The following NRXN1 variants were observed in gnomAD, a reference collection of about 807,000 sequenced individuals.
NRXN1 encodes neurexin 1.
Under a neutral mutation model 150.9 loss-of-function variants are expected in NRXN1, and 39 were observed. That is an observed-to-expected ratio of 0.26 (90% CI 0.20 to 0.34). The LOEUF is 0.34. Ranked by LOEUF, NRXN1 falls within the 10% of genes least tolerant of loss-of-function variation. NRXN1 has a pLI of 1.00. For synonymous variants in NRXN1, 924 were observed against 757.0 expected (o/e 1.22, Z -3.62); for missense variants, 1,815 against 1,949.9 (o/e 0.93, Z 1.30).
chr2:50,642,835 C>T (rs1684265199), intron 5 of NRXN1, among the ~76,000 whole-genome samples: 1 of 151,802 alleles, frequency 6.6e-6, no homozygotes, highest in Non-Finnish European at 1.5e-5. Flanking sequence ...TTTATTCTTC[C>T]TACTTATCAA....
chr2:50,347,820 G>GC lies in NRXN1; in HGVS notation c.3365-110851dup. ...TATGCAAATCTGCAGTCTCCAAACAGCAAATCACTGAAGCTCGGATGCAAT... is the reference window on the plus strand; with the variant it reads ...TATGCAAATCTGCAGTCTCCAAACAGCCAAATCACTGAAGCTCGGATGCAAT... On this transcript the variant is annotated intron_variant, in intron 17 of 22. Coordinates refer to ENST00000401669, the MANE Select transcript of NRXN1 (RefSeq NM_001330078.2). The surrounding 1 kb of genome is among the most constrained non-coding windows in gnomAD (Gnocchi z 4.9). 1.0e-6 allele frequency: 1 copy of GC among 985,610 alleles called. No individual in the cohort carries two copies. Among genetic ancestry groups the GC allele is most frequent in the Non-Finnish European group, 1.2e-6 (1 of 830,056 alleles). The allele number at this position is 985,610 out of a possible 1,614,324, so 61.1% of individuals were successfully genotyped here.
At chr2:50,866,738 A>G (rs1676993056) in intron 5 of NRXN1, among the ~76,000 whole-genome samples, 1 of 151,934 alleles carries the variant, frequency 6.6e-6, no homozygotes, top group South Asian at 2.1e-4. Flanking sequence ...TTGGGTTAGT[A>G]TTAGAGTTTA....
intron 8 of NRXN1, among the ~76,000 whole-genome samples, chr2:50,574,585 G>C (rs1671117887): frequency 6.6e-6 from 1 of 152,106 alleles, no homozygotes; most frequent in South Asian, 2.1e-4. Flanking sequence ...AGCTCTCTAA[G>C]GTCTCCTAAC....
chr2:50,039,213 C>G (rs936980581), intron 21 of NRXN1, among the ~76,000 whole-genome samples: 15 of 152,112 alleles, frequency 9.9e-5, no homozygotes, highest in Non-Finnish European at 2.1e-4. Flanking sequence ...AAAGAAACTT[C>G]CCAGCACTTT....
At chr2:50,780,304 T>C (rs1704202134) in intron 5 of NRXN1, among the ~76,000 whole-genome samples, 1 of 152,184 alleles carries the variant, frequency 6.6e-6, no homozygotes, top group Admixed American at 6.5e-5. Context: ...GATTGCTTTG[T>C]AATGTGGTTT....
At chr2:50,560,456 ACT>A (rs1418516278) in intron 8 of NRXN1, among the ~76,000 whole-genome samples, 1 of 151,434 alleles carries the variant, frequency 6.6e-6, no homozygotes, top group African/African-American at 2.4e-5. Flanking sequence ...TTATTTATTT[ACT>A]TAGAAGCCGT....
At chr2:50,825,836 T>C (rs1244072922) in intron 5 of NRXN1, among the ~76,000 whole-genome samples, 2 of 152,326 alleles carry the variant, frequency 1.3e-5, no homozygotes, top group East Asian at 3.9e-4. Context: ...TAACACTTTC[T>C]GCTGCTAGAC....
At chr2:50,151,708 G>A (rs1301282963) in intron 18 of NRXN1, among the ~76,000 whole-genome samples, 1 of 151,736 alleles carries the variant, frequency 6.6e-6, no homozygotes, top group Non-Finnish European at 1.5e-5. Context: ...TGGGTATGAG[G>A]TTTCTTTTTG....
intron 21 of NRXN1, among the ~76,000 whole-genome samples, chr2:50,004,063 G>C (rs1337977533): frequency 6.6e-6 from 1 of 152,112 alleles, no homozygotes; most frequent in Non-Finnish European, 1.5e-5. Flanking sequence ...GTGAAAGGGA[G>C]GTGAGGTATT....
At chr2:50,624,632 G>A (rs1179366157) in intron 5 of NRXN1, among the ~76,000 whole-genome samples, 1 of 151,992 alleles carries the variant, frequency 6.6e-6, no homozygotes, top group African/African-American at 2.4e-5. Context: ...ATCTCTGGAT[G>A]GAGGGAGTAG....
At chr2:50,806,456 T>C (rs1360744749) in intron 5 of NRXN1, among the ~76,000 whole-genome samples, 3 of 152,180 alleles carry the variant, frequency 2.0e-5, no homozygotes, top group Middle Eastern at 3.2e-3. Context: ...ATTTGTCGTA[T>C]TGTTATTTTA....
chr2:50,973,002 G>C (rs1025040947), intron 2 of NRXN1, among the ~76,000 whole-genome samples: 2 of 152,190 alleles, frequency 1.3e-5, no homozygotes, highest in Non-Finnish European at 2.9e-5. Flanking sequence ...CTAGGACTAA[G>C]AATTCATTCC....
At chr2:50,291,180 G>A (rs2072880424) in intron 17 of NRXN1, among the ~76,000 whole-genome samples, 1 of 149,796 alleles carries the variant, frequency 6.7e-6, no homozygotes, top group South Asian at 2.1e-4. Flanking sequence ...TCTGATGTTA[G>A]GAAACATTGG....
intron 2 of NRXN1, among the ~76,000 whole-genome samples, chr2:50,936,595 T>C (rs1422740696): frequency 3.3e-5 from 5 of 152,132 alleles, no homozygotes; most frequent in Non-Finnish European, 7.4e-5. Context: ...TAAAGTAAAC[T>C]ATGCTCAAAA....
intron 5 of NRXN1, among the ~76,000 whole-genome samples, chr2:50,723,928 T>A (rs2105144230): frequency 6.6e-6 from 1 of 152,326 alleles, no homozygotes; most frequent in African/African-American, 2.4e-5. Context: ...GCTTGTTAAT[T>A]CAACACTAAA....
chr2:50,095,791 TA>T (rs901231960), intron 18 of NRXN1, among the ~76,000 whole-genome samples: 17 of 150,728 alleles, frequency 1.1e-4, no homozygotes, highest in African/African-American at 2.9e-4. Flanking sequence ...TTTATATATA[TA>T]TTTTTTTATT....
intron 5 of NRXN1, among the ~76,000 whole-genome samples, chr2:50,643,925 C>G (rs1684426828): frequency 6.6e-6 from 1 of 151,808 alleles, no homozygotes. Context: ...AACCTCCTCC[C>G]CAAATTGAGA....
chr2:50,867,489 G>T (rs1015086164), intron 5 of NRXN1, among the ~76,000 whole-genome samples: 2 of 151,802 alleles, frequency 1.3e-5, no homozygotes, highest in East Asian at 1.9e-4. Context: ...GCTCTCCAGG[G>T]TGCACATTTA....
At chr2:50,493,846 A>T (rs895430815) in intron 15 of NRXN1, among the ~76,000 whole-genome samples, 4 of 152,178 alleles carry the variant, frequency 2.6e-5, no homozygotes, top group Non-Finnish European at 5.9e-5. Context: ...TGTGCTTTTT[A>T]AAAAAACACA....
Sources: allele counts gnomAD v4.1 joint callset (sites outside exome capture counted in the v4.1 genomes callset), GRCh38; gene constraint gnomAD v4.1.1; non-coding constraint Gnocchi (gnomAD v3.1); transcripts MANE v1.5; gene names NCBI Gene and HGNC (gene_info 2026-07-23, HGNC 2026-07-21).